SPATA18: variants seen among roughly 807,000 people sequenced by gnomAD.
The protein encoded by SPATA18 is mitochondria-eating protein.
Under a neutral mutation model 68.1 loss-of-function variants are expected in SPATA18, and 54 were observed. The observed-to-expected ratio is 0.79, with a 90% confidence interval of 0.64 to 0.99. The LOEUF (loss-of-function observed/expected upper bound fraction) is 0.99, where lower values mean the gene tolerates loss of function less well. SPATA18 is among the 50% of genes least tolerant of loss of function. The pLI is 0.00. For missense variants in SPATA18, 724 were observed against 681.1 expected (o/e 1.06, Z -0.70); for synonymous variants, 242 against 244.8 (o/e 0.99, Z 0.11).
intron 1 of SPATA18, among the ~76,000 whole-genome samples, chr4:52,052,579 G>A (rs940614563): frequency 6.6e-6 from 1 of 152,116 alleles, no homozygotes; most frequent in Admixed American, 6.5e-5. Context: ...TAAGTGGAGC[G>A]GCCAGGCAAA....
At chr4:52,092,713 A>G (rs1164507656) in intron 11 of SPATA18, among the ~76,000 whole-genome samples, 4 of 152,192 alleles carry the variant, frequency 2.6e-5, no homozygotes, top group Non-Finnish European at 5.9e-5. Flanking sequence ...TGACTCCTGC[A>G]TGCTCCTTAT....
At chr4:52,078,557 T>G in intron 7 of SPATA18, 178 bp from the exon 8 acceptor site, 1 of 512,912 alleles carries the variant, frequency 1.9e-6, no homozygotes, top group Non-Finnish European at 3.4e-6. Flanking sequence ...TATATGTTTA[T>G]GTACTTTTCA....
chr4:52,064,381 G>A lies in SPATA18; in HGVS notation c.422+2049G>A, dbSNP rs190986063. On this transcript the variant is annotated intron_variant, in intron 4 of 12. Transcript: ENST00000295213. Reference sequence around the variant, plus strand: ...AGATTTTGGTGCACCTGTCACCTGAGCGGTATACACTATAGCCAATATGTA... The same window carrying A: ...AGATTTTGGTGCACCTGTCACCTGAACGGTATACACTATAGCCAATATGTA... Among the ~76,000 whole-genome samples, 590 of 152,202 alleles carry A rather than the reference G, an allele frequency of 3.9e-3. 4 individuals carry two copies. The highest frequency in any genetic ancestry group is 0.013 in the African/African-American group (556 of 41,540).
At chr4:52,060,700 C>T in intron 2 of SPATA18, 82 bp from the exon 3 acceptor site, 2 of 1,239,198 alleles carry the variant, frequency 1.6e-6, no homozygotes, top group Admixed American at 1.8e-5. Flanking sequence ...GGTACATGTA[C>T]ACAACGTGCA....
At chr4:52,092,159 C>T (rs192967565) in intron 11 of SPATA18, among the ~76,000 whole-genome samples, 175 of 152,222 alleles carry the variant, frequency 1.1e-3, no homozygotes, top group African/African-American at 3.6e-3. Context: ...GGATGGGACC[C>T]GCTGAGCCAG....
At chr4:52,065,992 C>T (rs1469661500) in intron 4 of SPATA18, among the ~76,000 whole-genome samples, 1 of 152,142 alleles carries the variant, frequency 6.6e-6, no homozygotes, top group Non-Finnish European at 1.5e-5. Context: ...TCTTTCTATT[C>T]CGCCACCCCT....
rs767988166 is a variant in SPATA18, at chr4:52,094,910, A to AC, written c.*26dup. 1.2e-6 allele frequency: 2 copies of AC among 1,613,996 alleles called. No individual in the cohort carries two copies. The highest frequency in any genetic ancestry group is 2.2e-5 in the South Asian group (2 of 91,074). On this transcript the variant is annotated 3_prime_UTR_variant, in exon 13 of 13. Transcript: ENST00000295213. ...TAAAAGCACCAGACCTGCTCCTTTGACCCAGTGCGTGGAAACAGCTGCTTT... is the reference window on the plus strand; with the variant it reads ...TAAAAGCACCAGACCTGCTCCTTTGACCCCAGTGCGTGGAAACAGCTGCTTT...
At chr4:52,092,711 G>A (rs1348997200) in intron 11 of SPATA18, among the ~76,000 whole-genome samples, 2 of 152,140 alleles carry the variant, frequency 1.3e-5, no homozygotes, top group Admixed American at 1.3e-4. Flanking sequence ...TGTGACTCCT[G>A]CATGCTCCTT....
At chr4:52,073,479 T>TA (rs1740049743) in intron 6 of SPATA18, among the ~76,000 whole-genome samples, 7 of 152,084 alleles carry the variant, frequency 4.6e-5, no homozygotes, top group Admixed American at 4.6e-4. Context: ...ACCTCCACCC[T>TA]AAAATAGGGC....
In SPATA18 at chr4:52,095,100, C is replaced by T. The variant is rs1048251786; in HGVS notation, c.*213C>T. The T allele has an allele frequency of 3.5e-6, 2 of 573,972 alleles. No individual in the cohort carries two copies. The highest frequency in any genetic ancestry group is 2.9e-5 in the East Asian group (1 of 35,056). The allele number at this position is 573,972 out of a possible 1,614,324, so 35.6% of individuals were successfully genotyped here. A position where few individuals can be genotyped will look rare whatever the true frequency, so the allele number is the denominator to read the frequency against. ...CTATTTTATTTTATAGATACTAATT[C>T]CATTAATTTCATAAAAATGATTGTA... On this transcript the variant is annotated 3_prime_UTR_variant, in exon 13 of 13. Transcript: ENST00000295213.
Position 52,051,795 on chromosome 4 carries a change from A to AGTCT in SPATA18, c.87+6_87+9dup. 1.2e-6 allele frequency: 2 copies of AGTCT among 1,613,634 alleles called. No homozygotes were observed. The highest frequency in any genetic ancestry group is 1.7e-6 in the Non-Finnish European group (2 of 1,179,870). Reference sequence around the variant, plus strand: ...CTTCTGGCTGAAGGAGTACAACGTGAGTCTGGGTGAAAAACCCCCGGGGTT... The same window carrying AGTCT: ...CTTCTGGCTGAAGGAGTACAACGTGAGTCTGTCTGGGTGAAAAACCCCCGGGGTT... On this transcript the variant is annotated splice_donor_region_variant and intron_variant, in intron 1 of 12. Coordinates refer to ENST00000295213, the MANE Select transcript of SPATA18 (RefSeq NM_145263.4).
intron 1 of SPATA18, among the ~76,000 whole-genome samples, chr4:52,053,146 AC>A (rs1738047660): frequency 1.3e-5 from 2 of 152,228 alleles, no homozygotes; most frequent in South Asian, 2.1e-4. Flanking sequence ...TTTTAAAAAA[AC>A]ATGTTGTTTG....
At chr4:52,060,997 T>C in intron 3 of SPATA18, 100 bp downstream of exon 3, 2 of 896,002 alleles carry the variant, frequency 2.2e-6, no homozygotes, top group East Asian at 5.2e-5. Context: ...GGTAGACTGA[T>C]AGAGTGTCAC....
chr4:52,062,158 C>G (rs766704292), intron 3 of SPATA18, 62 bp from the exon 4 acceptor site: 4 of 1,046,512 alleles, frequency 3.8e-6, no homozygotes, highest in Non-Finnish European at 5.6e-6. Context: ...TTTAAAAATT[C>G]ATCCATGTCA....
chr4:52,074,180 G>A (rs1740110462), intron 6 of SPATA18, among the ~76,000 whole-genome samples: 1 of 152,180 alleles, frequency 6.6e-6, no homozygotes, highest in South Asian at 2.1e-4. Flanking sequence ...TCAGGACAGT[G>A]ATTTGGGTGG....
intron 11 of SPATA18, among the ~76,000 whole-genome samples, chr4:52,090,688 A>G (rs917140826): frequency 3.3e-5 from 5 of 152,072 alleles, no homozygotes; most frequent in African/African-American, 9.7e-5. Flanking sequence ...TTTGTGGTTA[A>G]CCCAACCTTT....
chr4:52,051,439 C>A lies in SPATA18; in HGVS notation c.-266C>A. 2.0e-6 allele frequency: 1 copy of A among 510,568 alleles called. No homozygotes were observed. The highest frequency in any genetic ancestry group is 3.5e-6 in the Non-Finnish European group (1 of 285,572). The allele number at this position is 510,568 out of a possible 1,614,324, so 31.6% of individuals were successfully genotyped here. A position where few individuals can be genotyped will look rare whatever the true frequency, so the allele number is the denominator to read the frequency against. ...TTAATAATCGCCAGGGTATCTATGG[C>A]CGGGCTCAGGCGGCTGCTGGGGAGC... On this transcript the variant is annotated 5_prime_UTR_variant, in exon 1 of 13. Coordinates refer to ENST00000295213, the MANE Select transcript of SPATA18 (RefSeq NM_145263.4).
rs140790514 is a variant in SPATA18, at chr4:52,084,971, G to A, written c.1535G>A (p.Cys512Tyr). ...CGAAGCAGGAGTTTAAGTCCCATTTGCCCCCGTAGCCAAATTGGTTTAAAC... is the reference window on the plus strand; with the variant it reads ...CGAAGCAGGAGTTTAAGTCCCATTTACCCCCGTAGCCAAATTGGTTTAAAC... Reference protein sequence around the residue: ...RCRSRSLSPICPRSQIGLNTM... With the variant: ...RCRSRSLSPIYPRSQIGLNTM... The change falls in exon 11 of 13, where the codon TGC (cysteine) becomes TAC (tyrosine). Residue 512 changes from cysteine to tyrosine, a missense_variant. By Grantham distance (194) the Cys-to-Tyr change is radical. Coordinates refer to ENST00000295213, the MANE Select transcript of SPATA18 (RefSeq NM_145263.4). 4.1e-4 allele frequency: 663 copies of A among 1,613,418 alleles called. 1 individual carries two copies. The highest frequency in any genetic ancestry group is 5.3e-4 in the Non-Finnish European group (630 of 1,179,828).
At chr4:52,082,615 G>A in intron 10 of SPATA18, 105 bp downstream of exon 10, 1 of 1,603,698 alleles carries the variant, frequency 6.2e-7, no homozygotes, top group Non-Finnish European at 8.5e-7. Flanking sequence ...ATAAAGAGTT[G>A]ATAAGATTTC....
Sources: allele counts gnomAD v4.1 joint callset (sites outside exome capture counted in the v4.1 genomes callset), GRCh38; gene constraint gnomAD v4.1.1; transcripts MANE v1.5; gene names NCBI Gene and HGNC (gene_info 2026-07-23, HGNC 2026-07-21).